The following KCNK13 variants were observed in gnomAD, a reference collection of about 807,000 sequenced individuals.
The protein encoded by KCNK13 is potassium channel subfamily K member 13.
Under a neutral mutation model 23.4 loss-of-function variants are expected in KCNK13, and 12 were observed. The observed-to-expected ratio is 0.51, with a 90% CI of 0.33 to 0.83. The LOEUF (loss-of-function observed/expected upper bound fraction) is 0.83, where lower values mean the gene tolerates loss of function less well. Among genes scored for constraint, KCNK13 ranks in the 40% least tolerant of loss-of-function variants. KCNK13 has a pLI of 0.02. For missense variants in KCNK13, 463 were observed against 556.3 expected, an observed-to-expected ratio of 0.83 and a Z score of 1.69; for synonymous variants, 231 against 229.5, an observed-to-expected ratio of 1.01 and a Z score of -0.06.
chr14:90,172,816 G>A (rs1890380398), intron 1 of KCNK13, among the ~76,000 whole-genome samples: 1 of 152,142 alleles, frequency 6.6e-6, no homozygotes. Context: ...ATCAGAATCT[G>A]CACCACAGAG....
chr14:90,076,598 G>A (rs756475643), intron 1 of KCNK13, among the ~76,000 whole-genome samples: 3 of 152,074 alleles, frequency 2.0e-5, no homozygotes, highest in Non-Finnish European at 2.9e-5. Context: ...CCATCTGCAC[G>A]TGAGCGCAAT....
chr14:90,155,232 G>A (rs891740274), intron 1 of KCNK13, among the ~76,000 whole-genome samples: 1 of 152,122 alleles, frequency 6.6e-6, no homozygotes, highest in African/African-American at 2.4e-5. Context: ...GCTATCTGGG[G>A]GAAATGCAGA....
At chr14:90,066,732 G>C (rs1889013905) in intron 1 of KCNK13, among the ~76,000 whole-genome samples, 1 of 152,106 alleles carries the variant, frequency 6.6e-6, no homozygotes, top group African/African-American at 2.4e-5. Context: ...TCAGAGCTTA[G>C]AGTGAAAAAC....
chr14:90,112,021 A>G (rs1349299813), intron 1 of KCNK13, among the ~76,000 whole-genome samples: 3 of 152,098 alleles, frequency 2.0e-5, no homozygotes, highest in African/African-American at 7.2e-5. Context: ...CCCTGACCTT[A>G]TATCCCAATT....
intron 1 of KCNK13, among the ~76,000 whole-genome samples, chr14:90,160,715 CACCTG>C (rs796991379): frequency 9.9e-5 from 15 of 151,884 alleles, no homozygotes; most frequent in African/African-American, 3.6e-4. Flanking sequence ...TGGTGGCAGG[CACCTG>C]TAATCCCAGA....
intron 1 of KCNK13, among the ~76,000 whole-genome samples, chr14:90,135,201 C>T (rs1293357700): frequency 6.6e-6 from 1 of 152,140 alleles, no homozygotes; most frequent in Non-Finnish European, 1.5e-5. Context: ...GAAAAGAAAA[C>T]AAAGATAAGG....
At chr14:90,094,978 G>A (rs1889394885) in intron 1 of KCNK13, among the ~76,000 whole-genome samples, 1 of 152,162 alleles carries the variant, frequency 6.6e-6, no homozygotes, top group African/African-American at 2.4e-5. Flanking sequence ...TTAAAGTTTT[G>A]TCTAGAATTG....
chr14:90,090,973 A>G (rs1889338097), intron 1 of KCNK13, among the ~76,000 whole-genome samples: 1 of 152,180 alleles, frequency 6.6e-6, no homozygotes, highest in African/African-American at 2.4e-5. Context: ...GCATGAAAAC[A>G]GAATAATACA....
chr14:90,184,787 G>C lies in KCNK13; in HGVS notation c.1011G>C (p.Thr337=). ...IETDGVAESD[T]DGRRLSGEMI... is the part of the protein sequence containing the mutation. ...CAGACGGGGTGGCAGAGAGTGACACGGACGGGCGCCGGCTCTCAGGGGAGA... is the reference window on the plus strand; with the variant it reads ...CAGACGGGGTGGCAGAGAGTGACACCGACGGGCGCCGGCTCTCAGGGGAGA... The change falls in exon 2 of 2, where the codon ACG becomes ACC. Residue 337 remains threonine (T), a synonymous_variant. Transcript: ENST00000282146. The surrounding 1 kb of genome is among the most constrained non-coding windows in gnomAD (Gnocchi z 5.6). 1.2e-6 allele frequency: 2 copies of C among 1,612,734 alleles called. No homozygotes were observed. The highest frequency in any genetic ancestry group is 1.7e-6 in the Non-Finnish European group (2 of 1,178,864).
At chr14:90,081,129 G>A (rs1020925536) in intron 1 of KCNK13, among the ~76,000 whole-genome samples, 3 of 152,212 alleles carry the variant, frequency 2.0e-5, no homozygotes, top group African/African-American at 4.8e-5. Flanking sequence ...AATAAGTCCA[G>A]GTTTCAGAAA....
chr14:90,150,313 C>T (rs940558127), intron 1 of KCNK13, among the ~76,000 whole-genome samples: 1 of 151,986 alleles, frequency 6.6e-6, no homozygotes, highest in Non-Finnish European at 1.5e-5. Flanking sequence ...ACTATGCTCT[C>T]CTGTTAAAGG....
chr14:90,117,267 A>G (rs1283196537), intron 1 of KCNK13, among the ~76,000 whole-genome samples: 1 of 152,114 alleles, frequency 6.6e-6, no homozygotes, highest in African/African-American at 2.4e-5. Flanking sequence ...AGGTCTCATC[A>G]TGCTCCTTAG....
intron 1 of KCNK13, among the ~76,000 whole-genome samples, chr14:90,147,852 T>C (rs1238451326): frequency 6.6e-6 from 1 of 152,208 alleles, no homozygotes; most frequent in East Asian, 1.9e-4. Flanking sequence ...TGTTTTGTGA[T>C]GCTGCTTTTA....
At chr14:90,136,141 G>A (rs2140425413) in intron 1 of KCNK13, among the ~76,000 whole-genome samples, 1 of 152,170 alleles carries the variant, frequency 6.6e-6, no homozygotes, top group South Asian at 2.1e-4. Context: ...GAATGTGGAT[G>A]ACAGCAGATG....
intron 1 of KCNK13, among the ~76,000 whole-genome samples, chr14:90,139,246 T>C (rs1471204315): frequency 6.6e-6 from 1 of 152,158 alleles, no homozygotes; most frequent in African/African-American, 2.4e-5. Flanking sequence ...TGAATGCAGC[T>C]GGGGAGCGGG....
chr14:90,150,330 C>T (rs1890121427), intron 1 of KCNK13, among the ~76,000 whole-genome samples: 1 of 151,972 alleles, frequency 6.6e-6, no homozygotes, highest in South Asian at 2.1e-4. Context: ...AAGGTAATAT[C>T]TGGGCCAGGT....
chr14:90,080,081 C>T (rs182391526), intron 1 of KCNK13, among the ~76,000 whole-genome samples: 9 of 152,152 alleles, frequency 5.9e-5, no homozygotes, highest in Admixed American at 2.6e-4. Context: ...AAAGTGAGGA[C>T]GGCTGGAGGG....
chr14:90,069,919 AGTTTT>A (rs1174492387), intron 1 of KCNK13, among the ~76,000 whole-genome samples: 1 of 152,164 alleles, frequency 6.6e-6, no homozygotes, highest in Non-Finnish European at 1.5e-5. Flanking sequence ...ATTAGAACCA[AGTTTT>A]GTTTTGTTCA....
At chr14:90,154,406 C>T (rs1426371897) in intron 1 of KCNK13, among the ~76,000 whole-genome samples, 1 of 152,082 alleles carries the variant, frequency 6.6e-6, no homozygotes, top group Non-Finnish European at 1.5e-5. Context: ...GCCTGCTCTT[C>T]TACCTACAGT....
Sources: gnomAD v4.1 joint callset for allele counts (sites outside exome capture counted in the v4.1 genomes callset) on GRCh38, gnomAD v4.1.1 for gene constraint, Gnocchi (gnomAD v3.1) non-coding constraint, MANE v1.5 for transcripts, NCBI Gene and HGNC (gene_info 2026-07-23, HGNC 2026-07-21) for gene names.